Variants in EFHB observed in about 807,000 individuals in gnomAD.
EFHB encodes EF-hand domain-containing family member B.
Under a neutral mutation model 87.2 loss-of-function variants are expected in EFHB, and 91 were observed. The ratio of observed to expected loss-of-function variants is 1.04; its 90% confidence interval spans 0.88 to 1.24. The LOEUF (loss-of-function observed/expected upper bound fraction) is 1.24, where lower values mean the gene tolerates loss of function less well. EFHB is among the 50% of genes most tolerant of loss of function. The pLI is 0.00. For synonymous variants in EFHB, 325 were observed against 333.6 expected (o/e 0.97, Z 0.28); for missense variants, 1,084 against 998.8 (o/e 1.09, Z -1.15).
chr3:19,926,056 G>C (rs1220165232), intron 1 of EFHB, among the ~76,000 whole-genome samples: 1 of 152,044 alleles, frequency 6.6e-6, no homozygotes, highest in Non-Finnish European at 1.5e-5. Context: ...CTTTTTACCT[G>C]GTATTTTCTC....
upstream of EFHB, chr3:19,934,286 C>G (rs1382890900): frequency 2.9e-6 from 4 of 1,358,780 alleles, no homozygotes; most frequent in Admixed American, 9.9e-5. Context: ...AGATCCCTGC[C>G]CATCTCTCAT....
intron 5 of EFHB, among the ~76,000 whole-genome samples, chr3:19,908,562 A>AAGAGAGAGAGAGAGAGAGAGAGAG (rs71624361): frequency 8.3e-5 from 7 of 83,896 alleles, no homozygotes; most frequent in African/African-American, 1.9e-4. Flanking sequence ...GAAAGAGAGA[A>AAGAGAGAGAGAGAGAGAGAGAGAG]AGAGAGAGAG....
intron 11 of EFHB, among the ~76,000 whole-genome samples, chr3:19,883,515 C>T (rs2071733485): frequency 6.6e-6 from 1 of 152,102 alleles, no homozygotes; most frequent in Non-Finnish European, 1.5e-5. Flanking sequence ...TTTTCTATAT[C>T]ACCAATATTC....
upstream of EFHB, among the ~76,000 whole-genome samples, chr3:19,935,834 A>AC (rs1379989034): frequency 6.6e-6 from 1 of 151,710 alleles, no homozygotes; most frequent in Admixed American, 6.6e-5. Context: ...ACATGGTGAA[A>AC]CCCCGTTTCT....
intron 1 of EFHB, among the ~76,000 whole-genome samples, chr3:19,946,615 G>T (rs764393109): frequency 1.3e-5 from 2 of 152,120 alleles, no homozygotes; most frequent in Non-Finnish European, 2.9e-5. Flanking sequence ...CCTCCTTGGG[G>T]TAAATGCGAT....
At chr3:19,939,421 C>T (rs1456479561) in intron 1 of EFHB, among the ~76,000 whole-genome samples, 4 of 74,924 alleles carry the variant, frequency 5.3e-5, no homozygotes, top group Admixed American at 3.7e-4. Flanking sequence ...CTCACTCTGT[C>T]GCGCCCAGGC....
At chr3:19,941,437 A>C (rs1229653594) in intron 1 of EFHB, 1 of 160,326 alleles carries the variant, frequency 6.2e-6, no homozygotes, top group Non-Finnish European at 1.4e-5. Context: ...GTATGCTTGT[A>C]CTTGAACTCA....
chr3:19,885,357 G>A (rs1694064546), intron 10 of EFHB, among the ~76,000 whole-genome samples: 1 of 152,158 alleles, frequency 6.6e-6, no homozygotes, highest in Admixed American at 6.5e-5. Context: ...GGGGGAGCAT[G>A]CACTACAACA....
intron 1 of EFHB, among the ~76,000 whole-genome samples, chr3:19,939,631 G>A (rs1370285091): frequency 4.6e-5 from 7 of 151,906 alleles, no homozygotes; most frequent in East Asian, 1.9e-4. Flanking sequence ...TGATCCGCCC[G>A]CCTCGACCTC....
intron 4 of EFHB, among the ~76,000 whole-genome samples, chr3:19,915,870 C>A (rs1695212965): frequency 6.6e-6 from 1 of 151,956 alleles, no homozygotes; most frequent in Admixed American, 6.6e-5. Flanking sequence ...CTACTTTACT[C>A]AGGAGGCTGA....
At chr3:19,907,717 T>C (rs1694886475) in intron 5 of EFHB, among the ~76,000 whole-genome samples, 1 of 152,216 alleles carries the variant, frequency 6.6e-6, no homozygotes, top group Non-Finnish European at 1.5e-5. Flanking sequence ...ATTAGTTTTC[T>C]ATTTCGAGAT....
At chr3:19,913,951 A>C (rs1695142760) in intron 5 of EFHB, among the ~76,000 whole-genome samples, 1 of 152,176 alleles carries the variant, frequency 6.6e-6, no homozygotes, top group South Asian at 2.1e-4. Context: ...TCTCTTCAAT[A>C]AATGGTGCTG....
chr3:19,896,295 T>C (rs1475698254), intron 9 of EFHB, among the ~76,000 whole-genome samples: 1 of 152,226 alleles, frequency 6.6e-6, no homozygotes, highest in Non-Finnish European at 1.5e-5. Flanking sequence ...CCTGACTCAG[T>C]ATTTTCTGAA....
intron 1 of EFHB, among the ~76,000 whole-genome samples, chr3:19,945,102 G>A (rs1361896709): frequency 1.3e-5 from 2 of 152,192 alleles, no homozygotes; most frequent in Non-Finnish European, 1.5e-5. Flanking sequence ...TGGCTAAGAC[G>A]GAGCCAGCAG....
Position 19,933,636 on chromosome 3 carries a change from G to A in EFHB, c.383C>T (p.Pro128Leu). 6.2e-7 allele frequency: 1 copy of A among 1,613,974 alleles called. No individual in the cohort carries two copies. The highest frequency in any genetic ancestry group is 8.5e-7 in the Non-Finnish European group (1 of 1,179,888). Residue 128 changes from proline (P) to leucine (L), a missense_variant, in exon 1 of 13, where the codon CCT becomes CTT. Coordinates refer to ENST00000295824, the MANE Select transcript of EFHB (RefSeq NM_144715.4). The part of the protein sequence containing the change: ...AGYTHERIIQ[P>L]PLGRVCGSSQ... ...ACTTCCACACACCCTGCCCAAAGGA[G>A]GCTGTATTATCCGTTCATGGGTATA... is the stretch of plus-strand genomic sequence containing the variant.
intron 1 of EFHB, among the ~76,000 whole-genome samples, chr3:19,927,234 A>C (rs1053910593): frequency 1.3e-5 from 2 of 152,196 alleles, no homozygotes; most frequent in African/African-American, 2.4e-5. Context: ...ATCAAGGGAC[A>C]GTCTCGGGAT....
upstream of EFHB, chr3:19,934,350 GTCTC>G: frequency 1.1e-6 from 1 of 880,440 alleles, no homozygotes; most frequent in South Asian, 3.1e-5. Context: ...TCTCTCCTCT[GTCTC>G]TCTCTCTCCC....
chr3:19,883,348 A>G (rs1168686805), intron 11 of EFHB, among the ~76,000 whole-genome samples: 1 of 152,160 alleles, frequency 6.6e-6, no homozygotes, highest in African/African-American at 2.4e-5. Context: ...GATGACTTCA[A>G]TTTTATTTCT....
intron 9 of EFHB, among the ~76,000 whole-genome samples, chr3:19,891,886 C>A (rs375671156): frequency 6.6e-6 from 1 of 152,138 alleles, no homozygotes; most frequent in Non-Finnish European, 1.5e-5. Flanking sequence ...AATGCAGAAG[C>A]CACCACTACA....
Sources: gnomAD v4.1 joint callset for allele counts (sites outside exome capture counted in the v4.1 genomes callset) on GRCh38, gnomAD v4.1.1 for gene constraint, MANE v1.5 for transcripts, NCBI Gene and HGNC (gene_info 2026-07-23, HGNC 2026-07-21) for gene names.